ZNF462: variants seen among roughly 807,000 people sequenced by gnomAD.
The protein encoded by ZNF462 is zinc finger protein 462, also known as zinc finger PBX1-interacting protein.
Under a neutral mutation model 201.9 loss-of-function variants are expected in ZNF462, and 10 were observed. The observed-to-expected ratio is 0.05, with a 90% confidence interval of 0.03 to 0.08. ZNF462 has a LOEUF of 0.08. Among genes scored for constraint, ZNF462 ranks in the 10% least tolerant of loss-of-function variants. The pLI, the probability that ZNF462 is intolerant of heterozygous loss-of-function variation, is 1.00. For synonymous variants in ZNF462, 1,227 were observed against 1,193.3 expected (o/e 1.03, Z -0.58); for missense variants, 2,523 against 3,168.3 (o/e 0.80, Z 4.89).
chr9:107,006,403 A>G lies in ZNF462; in HGVS notation c.7189+2977A>G, dbSNP rs979967461. 5.9e-5 allele frequency among the ~76,000 whole-genome samples: 9 copies of G among 152,316 alleles called. No individual in the cohort carries two copies. Among genetic ancestry groups the G allele is most frequent in the Middle Eastern group, 3.4e-3 (1 of 294 alleles). On this transcript the variant is annotated intron_variant, in intron 11 of 12. Coordinates refer to ENST00000277225, the MANE Select transcript of ZNF462 (RefSeq NM_021224.6). This position sits in a 1 kb window ranked among gnomAD's most constrained non-coding sequence, Gnocchi z 4.3. ...ATATAAACCCTGGAGACCAAATTCA[A>G]TTCAAATTTACATCTTCTGGCTCCA... is the stretch of plus-strand genomic sequence containing the variant.
intron 7 of ZNF462, among the ~76,000 whole-genome samples, chr9:106,956,887 A>T (rs1431425231): frequency 6.6e-6 from 1 of 152,164 alleles, no homozygotes; most frequent in Non-Finnish European, 1.5e-5. Flanking sequence ...CTTGCTTTGG[A>T]TTAGGCTTTG....
intron 1 of ZNF462, 26 bp downstream of exon 1, chr9:106,863,381 C>T (rs923152645): frequency 5.1e-6 from 2 of 393,274 alleles, no homozygotes; most frequent in African/African-American, 4.1e-5. Context: ...TAACAACCAC[C>T]TCGGGGTGGT....
At position 106,876,826 on chromosome 9, in the gene ZNF462, G is replaced by A. The variant is rs1827850270; in HGVS notation, c.-31+13471G>A. Among the ~76,000 whole-genome samples the A allele has an allele frequency of 6.6e-6, 1 of 152,134 alleles. No homozygotes were observed. The highest frequency in any genetic ancestry group is 6.6e-5 in the Admixed American group (1 of 15,264). On this transcript the variant is annotated intron_variant, in intron 1 of 12. Transcript: ENST00000277225. The surrounding 1 kb of genome is among the most constrained non-coding windows in gnomAD (Gnocchi z 4.9). ...TATGTCGAAGAAAATTGTCCTTATT[G>A]CAGAGAAAATATTGGCTGTGCTGTT... is the stretch of plus-strand genomic sequence containing the variant.
rs981631397 is a variant in ZNF462, at chr9:106,872,814, T to C, written c.-31+9459T>C. Reference sequence around the variant, plus strand: ...TCATCAAAAAAATCTGCCAACTCTATAGAGTGGGAATACCACATAGGACCT... The same window carrying C: ...TCATCAAAAAAATCTGCCAACTCTACAGAGTGGGAATACCACATAGGACCT... On this transcript the variant is annotated intron_variant, in intron 1 of 12. Transcript: ENST00000277225. This position sits in a 1 kb window ranked among gnomAD's most constrained non-coding sequence, Gnocchi z 4.5. 6.6e-6 allele frequency among the ~76,000 whole-genome samples: 1 copy of C among 152,190 alleles called. No individual in the cohort carries two copies. Among genetic ancestry groups the C allele is most frequent in the African/African-American group, 2.4e-5 (1 of 41,452 alleles).
chr9:106,863,656 C>G (rs1827156895), intron 1 of ZNF462, among the ~76,000 whole-genome samples: 1 of 151,848 alleles, frequency 6.6e-6, no homozygotes, highest in South Asian at 2.1e-4. Flanking sequence ...GTGGAGGTGG[C>G]TGTGCTTTTC....
At chr9:106,864,045 T>TCG (rs1587960998) in intron 1 of ZNF462, among the ~76,000 whole-genome samples, 2 of 31,620 alleles carry the variant, frequency 6.3e-5, no homozygotes, top group South Asian at 1.8e-3. Flanking sequence ...TTTGGCTCTC[T>TCG]CTCTCTCTCT....
rs1828527890 is a variant in ZNF462 at position 106,890,467 on chromosome 9, A to G, written c.-31+27112A>G. Among the ~76,000 whole-genome samples the G allele has an allele frequency of 1.3e-5, 2 of 152,332 alleles. No homozygotes were observed. The highest frequency in any genetic ancestry group is 2.1e-4 in the South Asian group (1 of 4,824). On this transcript the variant is annotated intron_variant, in intron 1 of 12. Coordinates refer to ENST00000277225, the MANE Select transcript of ZNF462 (RefSeq NM_021224.6). The surrounding 1 kb of genome is among the most constrained non-coding windows in gnomAD (Gnocchi z 4.2). ...AGCACTTGAAGCCACTTAATCAAAT[A>G]TCATATCCACACACCTGCAGTTCTT...
Position 106,962,796 on chromosome 9 carries a change from A to G in ZNF462, c.6428-9209A>G, listed in dbSNP as rs1436755689. Among the ~76,000 whole-genome samples the G allele has an allele frequency of 1.3e-5, 2 of 151,970 alleles. No individual in the cohort carries two copies. The highest frequency in any genetic ancestry group is 2.4e-5 in the African/African-American group (1 of 41,404). On this transcript the variant is annotated intron_variant, in intron 7 of 12. Coordinates refer to ENST00000277225, the MANE Select transcript of ZNF462 (RefSeq NM_021224.6). This position sits in a 1 kb window ranked among gnomAD's most constrained non-coding sequence, Gnocchi z 4.6. ...TGTTTTTCCGTTTGCCTCCATGACA[A>G]CGGAGTCCAGAATTCCTATATATAG... is the stretch of plus-strand genomic sequence containing the variant.
intron 7 of ZNF462, among the ~76,000 whole-genome samples, chr9:106,964,008 C>CGTGT (rs111450825): frequency 0.23 from 33,346 of 146,578 alleles, 3,567 homozygotes; most frequent in South Asian, 0.27. Flanking sequence ...AAATAATATT[C>CGTGT]GTGTGTGTGT....
Position 106,930,520 on chromosome 9 carries a change from A to G in ZNF462, c.5848-5A>G, listed in dbSNP as rs370596001. On this transcript the variant is annotated splice_polypyrimidine_tract_variant and splice_region_variant and intron_variant, in intron 3 of 12. Coordinates refer to ENST00000277225, the MANE Select transcript of ZNF462 (RefSeq NM_021224.6). This position sits in a 1 kb window ranked among gnomAD's most constrained non-coding sequence, Gnocchi z 5.8. ...GTACTGATGGCTACCACTGTATTTT[A>G]CCAGCCTTTTGGTCACTTAGAAGAG... is the stretch of plus-strand genomic sequence containing the variant. 6.8e-5 allele frequency: 110 copies of G among 1,613,970 alleles called. No individual in the cohort carries two copies. Among genetic ancestry groups the G allele is most frequent in the Non-Finnish European group, 8.2e-5 (97 of 1,179,962 alleles).
intron 1 of ZNF462, among the ~76,000 whole-genome samples, chr9:106,871,089 C>G (rs1044471880): frequency 6.6e-6 from 1 of 152,120 alleles, no homozygotes; most frequent in African/African-American, 2.4e-5. Context: ...CTTATTCCTC[C>G]AAAAATAATT....
intron 10 of ZNF462, among the ~76,000 whole-genome samples, chr9:106,997,891 A>T (rs1449071466): frequency 1.3e-5 from 2 of 152,124 alleles, no homozygotes; most frequent in Non-Finnish European, 2.9e-5. Flanking sequence ...TGTAATGTGA[A>T]ATATGAAATT....
At chr9:106,943,054 G>GCA (rs1830943025) in intron 7 of ZNF462, among the ~76,000 whole-genome samples, 5 of 111,688 alleles carry the variant, frequency 4.5e-5, no homozygotes, top group African/African-American at 1.9e-4. Flanking sequence ...TTTGTTTTGC[G>GCA]CGCGCGTGTG....
chr9:106,867,513 C>T (rs901404057), intron 1 of ZNF462, among the ~76,000 whole-genome samples: 1 of 151,802 alleles, frequency 6.6e-6, no homozygotes, highest in Admixed American at 6.6e-5. Flanking sequence ...ATTCATTGAC[C>T]ATATTCCCCG....
chr9:106,945,241 A>G (rs746575525), intron 7 of ZNF462, among the ~76,000 whole-genome samples: 2 of 152,220 alleles, frequency 1.3e-5, no homozygotes, highest in Admixed American at 1.3e-4. Flanking sequence ...ATATTTGTGC[A>G]TGAATTACAT....
chr9:106,888,428 G>C (rs1310300093), intron 1 of ZNF462, among the ~76,000 whole-genome samples: 1 of 152,240 alleles, frequency 6.6e-6, no homozygotes. Flanking sequence ...AATAGGGTTA[G>C]TGTTTGGCAG....
chr9:106,862,781 C>T (rs531306272), upstream of ZNF462, among the ~76,000 whole-genome samples: 2 of 152,208 alleles, frequency 1.3e-5, no homozygotes, highest in South Asian at 2.1e-4. The surrounding 1 kb of genome is among the most constrained non-coding windows in gnomAD (Gnocchi z 4.2). Flanking sequence ...TTCTGCTCTT[C>T]TCGAGCTCTT....
In ZNF462 at chr9:106,933,836, A is replaced by G. The variant is rs1564115170; in HGVS notation, c.6116+1287A>G. ...GACTTGAATAGTTTGGAAAGGACAT[A>G]TGATGTAGAGGAAAAGCTGAGGGAG... On this transcript the variant is annotated intron_variant, in intron 5 of 12. Coordinates refer to ENST00000277225, the MANE Select transcript of ZNF462 (RefSeq NM_021224.6). This position sits in a 1 kb window ranked among gnomAD's most constrained non-coding sequence, Gnocchi z 4.3. 6.6e-6 allele frequency among the ~76,000 whole-genome samples: 1 copy of G among 152,188 alleles called. No individual in the cohort carries two copies. The highest frequency in any genetic ancestry group is 2.4e-5 in the African/African-American group (1 of 41,458).
intron 10 of ZNF462, among the ~76,000 whole-genome samples, chr9:106,992,545 A>T (rs1249771727): frequency 6.6e-6 from 1 of 152,160 alleles, no homozygotes; most frequent in African/African-American, 2.4e-5. Flanking sequence ...CTATTCAGCG[A>T]TGAAAAAGAA....
Sources: gnomAD v4.1 joint callset for allele counts (sites outside exome capture counted in the v4.1 genomes callset) on GRCh38, gnomAD v4.1.1 for gene constraint, Gnocchi (gnomAD v3.1) non-coding constraint, MANE v1.5 for transcripts, NCBI Gene and HGNC (gene_info 2026-07-23, HGNC 2026-07-21) for gene names.